IGBP1C: variants seen among roughly 807,000 people sequenced by gnomAD.
The protein encoded by IGBP1C is immunoglobulin-binding protein 1 family member C.
the IGBP1C span, among the ~76,000 whole-genome samples, chr17:58,676,067 C>T: frequency 6.6e-6 from 1 of 151,994 alleles, no homozygotes; most frequent in Non-Finnish European, 1.5e-5. Flanking sequence ...TGGTGAAACC[C>T]TCTCTACTAA....
the IGBP1C span, among the ~76,000 whole-genome samples, chr17:58,684,298 C>T: frequency 6.6e-6 from 1 of 151,762 alleles, no homozygotes. Context: ...CCCATCTCTA[C>T]TAAAAATACA....
chr17:58,666,735 C>T, the IGBP1C span: 1 of 152,234 alleles, frequency 6.6e-6, no homozygotes, highest in East Asian at 1.9e-4. Flanking sequence ...CCGGTGCCGC[C>T]CACATCATTG....
At chr17:58,661,494 C>T in the IGBP1C span, 3 of 781,112 alleles carry the variant, frequency 3.8e-6, no homozygotes, top group African/African-American at 5.1e-5. Flanking sequence ...ATTCGGGAAC[C>T]GGTGGGTTCA....
At chr17:58,662,773 T>G in the IGBP1C span, among the ~76,000 whole-genome samples, 3 of 152,178 alleles carry the variant, frequency 2.0e-5, no homozygotes, top group African/African-American at 4.8e-5. Context: ...TCAATAATTT[T>G]TAAAAGCTGA....
chr17:58,664,483 T>A, the IGBP1C span, among the ~76,000 whole-genome samples: 20 of 152,244 alleles, frequency 1.3e-4, no homozygotes, highest in Non-Finnish European at 2.6e-4. Flanking sequence ...ATGTAGCACA[T>A]ACTTCTCATT....
chr17:58,683,374 C>A, the IGBP1C span, among the ~76,000 whole-genome samples: 6 of 148,544 alleles, frequency 4.0e-5, no homozygotes, highest in East Asian at 4.0e-4. Flanking sequence ...CTCCATCCCC[C>A]CCCCCAAAAA....
chr17:58,678,732 G>A, the IGBP1C span, among the ~76,000 whole-genome samples: 1 of 151,604 alleles, frequency 6.6e-6, no homozygotes, highest in African/African-American at 2.4e-5. Flanking sequence ...TAAATGACGA[G>A]TTAATGGGTG....
At chr17:58,669,827 T>C in the IGBP1C span, among the ~76,000 whole-genome samples, 1 of 150,500 alleles carries the variant, frequency 6.6e-6, no homozygotes, top group Non-Finnish European at 1.5e-5. Context: ...GTTAACAAAA[T>C]GTCAGGAAGG....
At chr17:58,665,774 G>A in the IGBP1C span, among the ~76,000 whole-genome samples, 2 of 151,490 alleles carry the variant, frequency 1.3e-5, no homozygotes, top group South Asian at 2.1e-4. Flanking sequence ...GGCTGGGCGC[G>A]GTGGCTCACG....
At chr17:58,660,752 G>A in the IGBP1C span, 1 of 781,240 alleles carries the variant, frequency 1.3e-6, no homozygotes, top group South Asian at 1.3e-5. Context: ...TCCCTGATCT[G>A]GTAACACTCC....
chr17:58,675,025 A>AACCT, the IGBP1C span, among the ~76,000 whole-genome samples: 1 of 151,812 alleles, frequency 6.6e-6, no homozygotes, highest in Non-Finnish European at 1.5e-5. Context: ...ACATGCCTAT[A>AACCT]ACCCCAGCTT....
the IGBP1C span, among the ~76,000 whole-genome samples, chr17:58,678,666 G>T: frequency 4.7e-3 from 719 of 152,002 alleles, 5 homozygotes; most frequent in South Asian, 8.9e-3. Flanking sequence ...ATACACCAGG[G>T]TCTGTCATAG....
chr17:58,686,178 T>A, the IGBP1C span, among the ~76,000 whole-genome samples: 7 of 152,018 alleles, frequency 4.6e-5, no homozygotes, highest in Admixed American at 2.0e-4. Context: ...TTTACAAAAA[T>A]TTTTAAAAAT....
the IGBP1C span, chr17:58,661,359 G>A: frequency 1.1e-6 from 1 of 908,798 alleles, no homozygotes; most frequent in Non-Finnish European, 1.9e-6. Context: ...GGCACCATCA[G>A]GTACTTCAGG....
chr17:58,678,951 C>G, the IGBP1C span, among the ~76,000 whole-genome samples: 1 of 151,624 alleles, frequency 6.6e-6, no homozygotes, highest in South Asian at 2.1e-4. Context: ...GTTAGGAGTG[C>G]GAGACCAGCC....
the IGBP1C span, among the ~76,000 whole-genome samples, chr17:58,682,324 C>T: frequency 6.6e-6 from 1 of 151,290 alleles, no homozygotes; most frequent in African/African-American, 2.4e-5. Flanking sequence ...GTGGTGCCAT[C>T]TCAGCTCACT....
the IGBP1C span, among the ~76,000 whole-genome samples, chr17:58,690,087 G>A: frequency 6.6e-6 from 1 of 151,982 alleles, no homozygotes; most frequent in Admixed American, 6.6e-5. Flanking sequence ...CTGACCTTGT[G>A]ATCTGCAGAA....
chr17:58,684,630 CAAATAAATAAATAAATAAATAAATAAAT>C, the IGBP1C span, among the ~76,000 whole-genome samples: 102 of 140,440 alleles, frequency 7.3e-4, 1 homozygote, highest in African/African-American at 2.6e-3. Context: ...GACCCTGTCT[CAAATAAATAAATAAATAAATAAATAAAT>C]AAATAAATAA....
At chr17:58,671,512 T>G in the IGBP1C span, among the ~76,000 whole-genome samples, 1 of 152,098 alleles carries the variant, frequency 6.6e-6, no homozygotes, top group Non-Finnish European at 1.5e-5. Context: ...GGGTCGCAGC[T>G]TTATAGAATG....
Sources: gnomAD v4.1 joint callset for allele counts (sites outside exome capture counted in the v4.1 genomes callset) on GRCh38, gnomAD v4.1.1 for gene constraint, MANE v1.5 for transcripts, NCBI Gene and HGNC (gene_info 2026-07-23, HGNC 2026-07-21) for gene names.